The following SYN2 variants were observed in gnomAD, a reference collection of about 807,000 sequenced individuals.
SYN2 encodes the protein synapsin-2.
SYN2 carries 19 observed loss-of-function variants against 50.9 expected under a neutral mutation model. The ratio of observed to expected loss-of-function variants is 0.37; its 90% CI spans 0.26 to 0.55. The LOEUF is 0.55. SYN2 is among the 20% of genes least tolerant of loss of function. SYN2 has a pLI of 0.81. For synonymous variants in SYN2, 255 were observed against 224.9 expected (o/e 1.13, Z -1.20); for missense variants, 587 against 576.4 (o/e 1.02, Z -0.19).
chr3:12,070,383 C>T (rs1048923028), intron 1 of SYN2: 78 of 526,388 alleles, frequency 1.5e-4, no homozygotes, highest in Admixed American at 5.8e-4. Flanking sequence ...AGGACTCCTA[C>T]GTGGGTGATG....
chr3:12,119,032 G>T (rs1696493430), intron 1 of SYN2, among the ~76,000 whole-genome samples: 1 of 152,092 alleles, frequency 6.6e-6, no homozygotes, highest in South Asian at 2.1e-4. Flanking sequence ...ACTTGTGGTT[G>T]ATGCCACTGT....
At chr3:12,107,088 C>T (rs1696208721) in intron 1 of SYN2, among the ~76,000 whole-genome samples, 2 of 152,000 alleles carry the variant, frequency 1.3e-5, no homozygotes. Flanking sequence ...GTGTCCTGTG[C>T]TGCTATTTCC....
chr3:12,168,247 G>A (rs1447206168), intron 8 of SYN2, 129 bp from the exon 9 acceptor site: 40 of 713,888 alleles, frequency 5.6e-5, no homozygotes, highest in South Asian at 4.6e-4. Context: ...TGCTTGATAC[G>A]GGTAGATGGA....
At chr3:12,089,383 C>A (rs969049586) in intron 1 of SYN2, among the ~76,000 whole-genome samples, 1 of 152,086 alleles carries the variant, frequency 6.6e-6, no homozygotes, top group African/African-American at 2.4e-5. Flanking sequence ...AAAGGCCTGC[C>A]CCTCATGATT....
At chr3:12,076,407 T>G (rs371271928) in intron 1 of SYN2, among the ~76,000 whole-genome samples, 4 of 152,142 alleles carry the variant, frequency 2.6e-5, no homozygotes, top group South Asian at 4.1e-4. Flanking sequence ...TCTCAGGCTG[T>G]GTACAAATTT....
At chr3:12,108,383 T>C (rs1696243782) in intron 1 of SYN2, among the ~76,000 whole-genome samples, 1 of 152,140 alleles carries the variant, frequency 6.6e-6, no homozygotes, top group Non-Finnish European at 1.5e-5. Context: ...CTCACTTCTG[T>C]GCTTTTCTCA....
intron 1 of SYN2, among the ~76,000 whole-genome samples, chr3:12,116,468 C>T (rs191363164): frequency 2.0e-5 from 3 of 152,222 alleles, no homozygotes; most frequent in East Asian, 1.9e-4. Context: ...TGGTGGCAAA[C>T]GAACTTTTTG....
intron 1 of SYN2, among the ~76,000 whole-genome samples, chr3:12,044,396 A>T (rs1694693733): frequency 6.6e-6 from 1 of 152,194 alleles, no homozygotes; most frequent in African/African-American, 2.4e-5. Context: ...TTGAAATGAG[A>T]TCCTTCTGAA....
At chr3:12,172,667 G>A (rs1170259016) in intron 10 of SYN2, among the ~76,000 whole-genome samples, 3 of 152,186 alleles carry the variant, frequency 2.0e-5, no homozygotes, top group African/African-American at 7.2e-5. Context: ...CATGATGTAG[G>A]CATGACTGGT....
chr3:12,036,758 A>T (rs1386472884), intron 1 of SYN2, among the ~76,000 whole-genome samples: 1 of 152,178 alleles, frequency 6.6e-6, no homozygotes, highest in African/African-American at 2.4e-5. Flanking sequence ...AATTGGCTAC[A>T]TCCTTAGTAT....
intron 3 of SYN2, among the ~76,000 whole-genome samples, chr3:12,143,056 T>A (rs1574963837): frequency 6.6e-6 from 1 of 152,090 alleles, no homozygotes; most frequent in Non-Finnish European, 1.5e-5. Flanking sequence ...GTAATGGGGA[T>A]ACATGAACGC....
At chr3:12,087,049 A>G (rs1297413249) in intron 1 of SYN2, among the ~76,000 whole-genome samples, 2 of 152,204 alleles carry the variant, frequency 1.3e-5, no homozygotes, top group South Asian at 2.1e-4. Flanking sequence ...CAAAAATAGC[A>G]TTTCCATATA....
intron 1 of SYN2, among the ~76,000 whole-genome samples, chr3:12,017,229 A>T (rs1240908117): frequency 6.6e-6 from 1 of 152,212 alleles, no homozygotes; most frequent in Admixed American, 6.5e-5. Flanking sequence ...AAAGGCTTGG[A>T]TAAACAAGGT....
At chr3:12,077,215 G>T (rs762782354) in intron 1 of SYN2, among the ~76,000 whole-genome samples, 4 of 151,806 alleles carry the variant, frequency 2.6e-5, no homozygotes, top group Non-Finnish European at 4.4e-5. Context: ...CAATTAAGAT[G>T]GTTTCACTCC....
At chr3:12,159,006 G>A (rs893256272) in intron 5 of SYN2, 8 of 982,950 alleles carry the variant, frequency 8.1e-6, no homozygotes, top group Middle Eastern at 3.3e-4. Flanking sequence ...TAGGCCACCC[G>A]CGGAGGCAGG....
intron 1 of SYN2, among the ~76,000 whole-genome samples, chr3:12,133,368 C>A (rs189666725): frequency 6.3e-4 from 96 of 152,288 alleles, no homozygotes; most frequent in African/African-American, 2.2e-3. Flanking sequence ...AATTAGATAA[C>A]AAATCCAAAT....
At chr3:12,029,811 TG>T (rs1694341604) in intron 1 of SYN2, among the ~76,000 whole-genome samples, 1 of 91,750 alleles carries the variant, frequency 1.1e-5, no homozygotes, top group Non-Finnish European at 1.9e-5. Flanking sequence ...TAAACAATCA[TG>T]TCGTCTGCAA....
chr3:12,185,844 G>A, intron 11 of SYN2: 6 of 877,782 alleles, frequency 6.8e-6, no homozygotes, highest in Non-Finnish European at 8.2e-6. Context: ...ACAGGAGAAT[G>A]CTAATGCAAA....
At position 12,143,950 on chromosome 3, in the gene SYN2, A is replaced by C. The variant is rs539913978; in HGVS notation, c.528-1729A>C. ...TCGAGTGGCCAAGGAAGGCTCCTTC[A>C]ACCCTCACTTTAAAAGACTAATCTC... On this transcript the variant is annotated intron_variant, in intron 3 of 12. Transcript: ENST00000621198. Among the ~76,000 whole-genome samples the C allele has an allele frequency of 9.2e-5, 14 of 152,342 alleles. No homozygotes were observed. The South Asian group carries it at 2.9e-3, about 32-fold the overall frequency.
Sources: gnomAD v4.1 joint callset for allele counts (sites outside exome capture counted in the v4.1 genomes callset) on GRCh38, gnomAD v4.1.1 for gene constraint, MANE v1.5 for transcripts, NCBI Gene and HGNC (gene_info 2026-07-23, HGNC 2026-07-21) for gene names.